Variants in PIWIL3 observed in about 807,000 individuals in gnomAD.
The protein encoded by PIWIL3 is piwi like RNA-mediated gene silencing 3.
A neutral mutation model predicts 109.7 loss-of-function variants in PIWIL3; 101 were observed. The ratio of observed to expected loss-of-function variants is 0.92; its 90% CI spans 0.78 to 1.09. The LOEUF is 1.09. Ranked by LOEUF, PIWIL3 falls within the 50% of genes least tolerant of loss-of-function variation. PIWIL3 has a pLI of 0.00. For synonymous variants in PIWIL3, 373 were observed against 376.4 expected (o/e 0.99, Z 0.10); for missense variants, 1,031 against 1,072.6 (o/e 0.96, Z 0.54).
intron 9 of PIWIL3, among the ~76,000 whole-genome samples, 169 bp downstream of exon 9, chr22:24,751,218 T>C (rs1924691021): frequency 6.6e-6 from 1 of 152,198 alleles, no homozygotes; most frequent in South Asian, 2.1e-4. Flanking sequence ...GACATTACCC[T>C]ATATACAAGG....
Position 24,744,189 on chromosome 22 carries a change from A to G in PIWIL3, c.1449+4718T>C, listed in dbSNP as rs890746665. Among the ~76,000 whole-genome samples the G allele has an allele frequency of 1.0e-4, 15 of 145,996 alleles. 1 individual carries two copies. The East Asian group carries it at 1.2e-3, about 12-fold the overall frequency. ...AAGAGTGACCGAATTAAAAAAAAAA[A>G]AAAAAAAAAAAAAAAAAACAATGAT... On this transcript the variant is annotated intron_variant, in intron 12 of 20. Transcript: ENST00000616349.
intron 12 of PIWIL3, among the ~76,000 whole-genome samples, chr22:24,746,430 A>G (rs550856719): frequency 6.6e-6 from 1 of 151,136 alleles, no homozygotes; most frequent in African/African-American, 2.4e-5. Flanking sequence ...CAACATAATA[A>G]AAGCCATACA....
rs770497167 is a variant in PIWIL3, at chr22:24,728,034, A to G, written c.1925T>C (p.Val642Ala). 4.0e-5 allele frequency: 64 copies of G among 1,614,000 alleles called. No individual in the cohort carries two copies. Among genetic ancestry groups the G allele is most frequent in the Non-Finnish European group, 4.7e-5 (55 of 1,180,008 alleles). ...GATATCGTGGAAACAATCAATGCCAACGAACATTGTTCTTTGTACCTTAAG... is the reference window on the plus strand; with the variant it reads ...GATATCGTGGAAACAATCAATGCCAGCGAACATTGTTCTTTGTACCTTAAG... ...VETDVQRTMFVGIDCFHDIVN... is the reference protein window; with the variant it reads ...VETDVQRTMFAGIDCFHDIVN... The change falls in exon 16 of 21, where the codon GTT becomes GCT. Residue 642 changes from valine to alanine, a missense_variant. Physicochemically the swap from Val to Ala is moderately conservative, Grantham distance 64. Coordinates refer to ENST00000616349, the MANE Select transcript of PIWIL3 (RefSeq NM_001255975.1).
At chr22:24,742,042 T>A (rs1209865569) in intron 12 of PIWIL3, among the ~76,000 whole-genome samples, 3 of 149,654 alleles carry the variant, frequency 2.0e-5, no homozygotes, top group African/African-American at 7.4e-5. Context: ...GAGAATTCAA[T>A]GAAATTTCAG....
chr22:24,735,984 A>G, intron 12 of PIWIL3, 92 bp from the exon 13 acceptor site: 1 of 1,042,522 alleles, frequency 9.6e-7, no homozygotes. Context: ...GCTATCTCCT[A>G]TAGAAATGTT....
rs61034646 is a variant in PIWIL3, at chr22:24,773,703, ATT to A, written c.-23+617_-23+618del. Among the ~76,000 whole-genome samples the A allele has an allele frequency of 7.4e-3, 815 of 110,102 alleles. 3 individuals are homozygous for A. The highest frequency in any genetic ancestry group is 0.027 in the African/African-American group (735 of 27,716). 72.2% of individuals were successfully genotyped at this position (110,102 alleles called of 152,430 possible). A position where few individuals can be genotyped will look rare whatever the true frequency, so the allele number is the denominator to read the frequency against. On this transcript the variant is annotated intron_variant, in intron 1 of 20. Transcript: ENST00000616349. ...AAAGGATATGTACAAGACACTCTAG[ATT>A]TTTTTTTTTTTTTTTTTTTTTTGAG...
At position 24,748,970 on chromosome 22, in the gene PIWIL3, G is replaced by T. The variant is rs770608514; in HGVS notation, c.1386C>A (p.Thr462=). The change falls in exon 12 of 21, where the codon ACC becomes ACA. Residue 462 remains threonine, a synonymous_variant. Transcript: ENST00000616349. ...CTCTTCCCGGGACGGACAAAAAATT[G>T]GTATCAAATTTCAAATCCCAGAGTT... ...LLQLWDLKFD[T]NFLSVPGRVL... is the part of the protein sequence containing the mutation. 7 of 1,613,314 alleles carry T rather than the reference G, an allele frequency of 4.3e-6. No individual in the cohort carries two copies. The highest frequency in any genetic ancestry group is 4.2e-6 in the Non-Finnish European group (5 of 1,179,816).
intron 1 of PIWIL3, among the ~76,000 whole-genome samples, chr22:24,765,242 T>C (rs1043874522): frequency 3.9e-5 from 6 of 152,214 alleles, no homozygotes; most frequent in African/African-American, 1.4e-4. Context: ...TTCTTACAGT[T>C]GGGGTTTTGC....
chr22:24,765,888 T>G (rs1399835057), intron 1 of PIWIL3, among the ~76,000 whole-genome samples: 1 of 152,056 alleles, frequency 6.6e-6, no homozygotes, highest in Non-Finnish European at 1.5e-5. Flanking sequence ...GTGAAGACAT[T>G]TTTTGCTATA....
chr22:24,722,226 G>A (rs866196838), intron 19 of PIWIL3, among the ~76,000 whole-genome samples: 2 of 152,100 alleles, frequency 1.3e-5, no homozygotes, highest in Admixed American at 6.5e-5. Flanking sequence ...GGGACTACAG[G>A]TGCCCGCCAC....
At chr22:24,720,259 GT>G (rs56087060) in intron 19 of PIWIL3, among the ~76,000 whole-genome samples, 3,411 of 103,594 alleles carry the variant, frequency 0.033, 40 homozygotes, top group Non-Finnish European at 0.05. Flanking sequence ...TATTTAAACT[GT>G]TTTTTTTTTT....
At chr22:24,722,080 TTTTA>T (rs1922704457) in intron 19 of PIWIL3, among the ~76,000 whole-genome samples, 1 of 152,096 alleles carries the variant, frequency 6.6e-6, no homozygotes, top group Admixed American at 6.6e-5. Context: ...CACACTGCTG[TTTTA>T]TTTTTGTTTT....
intron 3 of PIWIL3, among the ~76,000 whole-genome samples, chr22:24,759,393 A>C (rs1925277411): frequency 6.6e-6 from 1 of 152,250 alleles, no homozygotes; most frequent in Non-Finnish European, 1.5e-5. Flanking sequence ...AGCAAAGAGG[A>C]GAATCCAGAC....
intron 2 of PIWIL3, among the ~76,000 whole-genome samples, chr22:24,760,562 CAGATCACCTG>C (rs979315715): frequency 2.3e-4 from 35 of 151,706 alleles, no homozygotes; most frequent in Admixed American, 2.6e-4. Flanking sequence ...CCGAGGCAGC[CAGATCACCTG>C]AGATCGGGAG....
chr22:24,744,613 C>A (rs1243107488), intron 12 of PIWIL3, among the ~76,000 whole-genome samples: 1 of 151,912 alleles, frequency 6.6e-6, no homozygotes, highest in Non-Finnish European at 1.5e-5. Context: ...TATACTTAGA[C>A]AAAATAGATT....
At chr22:24,750,677 G>A (rs1463917300) in intron 9 of PIWIL3, among the ~76,000 whole-genome samples, 3 of 149,544 alleles carry the variant, frequency 2.0e-5, no homozygotes, top group East Asian at 2.0e-4. Flanking sequence ...TAGTAGAGAC[G>A]GGGTTTCTCC....
chr22:24,756,851 G>A (rs376000326), intron 4 of PIWIL3, 146 bp from the exon 5 acceptor site: 28 of 671,366 alleles, frequency 4.2e-5, no homozygotes, highest in Non-Finnish European at 4.5e-5. Flanking sequence ...AGGCCAAGGC[G>A]GGTGGATCAC....
chr22:24,733,505 A>C (rs1402703881), intron 14 of PIWIL3, among the ~76,000 whole-genome samples: 1 of 152,018 alleles, frequency 6.6e-6, no homozygotes, highest in Non-Finnish European at 1.5e-5. Flanking sequence ...AGTCTGGCCA[A>C]CCTCATCTCT....
chr22:24,751,486 T>TTTG lies in PIWIL3; in HGVS notation c.987_989dup (p.Asn329dup), dbSNP rs1246241707. The TTTG allele has an allele frequency of 6.2e-7, 1 of 1,610,960 alleles. No homozygotes were observed. The highest frequency in any genetic ancestry group is 2.2e-5 in the East Asian group (1 of 44,816). ...AATCAATATCATCTACTCTGTAGGT[T>TTTG]TTGTTGTTGTATCTGTGGAATAATT... On this transcript the variant is annotated inframe_insertion, in exon 9 of 21. Transcript: ENST00000616349.
Sources: gnomAD v4.1 joint callset for allele counts (sites outside exome capture counted in the v4.1 genomes callset) on GRCh38, gnomAD v4.1.1 for gene constraint, MANE v1.5 for transcripts, NCBI Gene and HGNC (gene_info 2026-07-23, HGNC 2026-07-21) for gene names.